Variants in DDX55 observed in about 807,000 individuals in gnomAD.
DDX55 encodes the protein DEAD-box helicase 55.
Under a neutral mutation model 69.2 loss-of-function variants are expected in DDX55, and 56 were observed. The ratio of observed to expected loss-of-function variants is 0.81; its 90% CI spans 0.65 to 1.01. The LOEUF is 1.01. Among genes scored for constraint, DDX55 ranks in the 50% least tolerant of loss-of-function variants. The pLI is 0.00. For synonymous variants in DDX55, 268 were observed against 273.1 expected (o/e 0.98, Z 0.18); for missense variants, 720 against 745.1 (o/e 0.97, Z 0.39).
At position 123,620,107 on chromosome 12, in the gene DDX55, T is replaced by C. The variant is rs1955034014; in HGVS notation, c.1770T>C (p.Asp590=). Residue 590 remains aspartate (D), a synonymous_variant, in exon 14 of 14, where the codon GAT becomes GAC. Coordinates refer to ENST00000238146, the MANE Select transcript of DDX55 (RefSeq NM_020936.3). ...GCAAAAGAACAATCAAGACAGTGGATTTAGGGATCTCAGATTTGGAAGATG... is the reference window on the plus strand; with the variant it reads ...GCAAAAGAACAATCAAGACAGTGGACTTAGGGATCTCAGATTTGGAAGATG... ...TTGKRTIKTV[D]LGISDLEDDC is the part of the protein sequence containing the mutation. The C allele has an allele frequency of 6.2e-7, 1 of 1,613,908 alleles. No homozygotes were observed. The highest frequency in any genetic ancestry group is 1.3e-5 in the African/African-American group (1 of 74,894).
Position 123,620,054 on chromosome 12 carries a change from G to A in DDX55, c.1717G>A (p.Glu573Lys), listed in dbSNP as rs1242083356. The A allele has an allele frequency of 1.2e-6, 2 of 1,614,032 alleles. No homozygotes were observed. Among genetic ancestry groups the A allele is most frequent in the Non-Finnish European group, 1.7e-6 (2 of 1,180,034 alleles). The part of the protein sequence containing the change: ...KLKKGKITEE[E>K]FEKGLLTTGK... ...TAAGAAAGGCAAAATAACTGAAGAAGAATTTGAGAAGGGCTTGTTGACAAC... is the reference window on the plus strand; with the variant it reads ...TAAGAAAGGCAAAATAACTGAAGAAAAATTTGAGAAGGGCTTGTTGACAAC... The change falls in exon 14 of 14, where the codon GAA becomes AAA. Residue 573 changes from glutamate (E) to lysine (K), a missense_variant. Transcript: ENST00000238146.
chr12:123,602,408 C>T lies in DDX55; in HGVS notation c.108+152C>T, dbSNP rs913670167. 25 of 788,000 alleles carry T rather than the reference C, an allele frequency of 3.2e-5. No homozygotes were observed. In the East Asian group the frequency reaches 7.5e-4, roughly 24 times the overall value. The allele number at this position is 788,000 out of a possible 1,614,324, so 48.8% of individuals were successfully genotyped here. On this transcript the variant is annotated intron_variant, in intron 1 of 13. Coordinates refer to ENST00000238146, the MANE Select transcript of DDX55 (RefSeq NM_020936.3). The stretch of plus-strand genomic sequence containing the variant: ...CCTTGTCTCCAGCTGCCCAGACTGG[C>T]GGAATGCGGAGCTGCCCGGCCAGCG...
In DDX55 at chr12:123,620,051, G is replaced by A. The variant is rs546725129; in HGVS notation, c.1714G>A (p.Glu572Lys). ...KKLKKGKITE[E>K]EFEKGLLTTG... ...ACTTAAGAAAGGCAAAATAACTGAA[G>A]AAGAATTTGAGAAGGGCTTGTTGAC... The change falls in exon 14 of 14, where the codon GAA becomes AAA. Residue 572 changes from glutamate to lysine, a missense_variant. Coordinates refer to ENST00000238146, the MANE Select transcript of DDX55 (RefSeq NM_020936.3). 1.2e-6 allele frequency: 2 copies of A among 1,614,160 alleles called. No homozygotes were observed. The highest frequency in any genetic ancestry group is 2.7e-5 in the African/African-American group (2 of 75,052).
intron 2 of DDX55, 25 bp from the exon 3 acceptor site, chr12:123,606,048 G>A (rs1167934369): frequency 6.6e-7 from 1 of 1,513,016 alleles, no homozygotes; most frequent in East Asian, 2.5e-5. Flanking sequence ...AGGAAGAAAG[G>A]GAAACCAAAA....
intron 6 of DDX55, among the ~76,000 whole-genome samples, chr12:123,609,113 C>T (rs147484866): frequency 1.3e-5 from 2 of 151,996 alleles, no homozygotes; most frequent in African/African-American, 4.8e-5. Context: ...ACCACCATGC[C>T]TGGATGGTTT....
At position 123,617,988 on chromosome 12, in the gene DDX55, G is replaced by A. The variant is rs778013744; in HGVS notation, c.1164+116G>A. The A allele has an allele frequency of 1.4e-5, 13 of 962,596 alleles. 1 individual carries two copies. The South Asian group carries it at 1.8e-4, about 14-fold the overall frequency. The allele number at this position is 962,596 out of a possible 1,614,324, so 59.6% of individuals were successfully genotyped here. On this transcript the variant is annotated intron_variant, in intron 11 of 13. Coordinates refer to ENST00000238146, the MANE Select transcript of DDX55 (RefSeq NM_020936.3). ...TTGCAAACTCACTGGGGCTGGGCTG[G>A]TGGTGGCAGTGGGGGGCCCTGGTGG...
chr12:123,604,509 G>A (rs973118648), intron 1 of DDX55, among the ~76,000 whole-genome samples: 12 of 152,274 alleles, frequency 7.9e-5, no homozygotes, highest in African/African-American at 2.6e-4. Context: ...CCTGCCTAGG[G>A]AATGTAGTGC....
intron 9 of DDX55, among the ~76,000 whole-genome samples, 163 bp downstream of exon 9, chr12:123,615,479 C>T (rs150660092): frequency 1.9e-4 from 29 of 152,248 alleles, no homozygotes; most frequent in Non-Finnish European, 3.4e-4. Context: ...GTAAACACCC[C>T]GAGCCTCCAT....
intron 1 of DDX55, among the ~76,000 whole-genome samples, chr12:123,603,098 G>A (rs1173142486): frequency 6.6e-6 from 1 of 152,222 alleles, no homozygotes; most frequent in African/African-American, 2.4e-5. Flanking sequence ...GATTGTGCAG[G>A]GTCTTGTAGG....
At chr12:123,603,623 C>T (rs537364674) in intron 1 of DDX55, among the ~76,000 whole-genome samples, 3 of 152,092 alleles carry the variant, frequency 2.0e-5, no homozygotes, top group African/African-American at 4.8e-5. Flanking sequence ...AACTCCTGAC[C>T]TCCTGATCCA....
chr12:123,619,254 C>G (rs1031751140), intron 12 of DDX55, among the ~76,000 whole-genome samples, 178 bp from the exon 13 acceptor site: 1 of 152,246 alleles, frequency 6.6e-6, no homozygotes, highest in Non-Finnish European at 1.5e-5. Flanking sequence ...CCGCCCACCT[C>G]GGCCTCGCAA....
At position 123,618,914 on chromosome 12, in the gene DDX55, C is replaced by T. The variant is rs911963731; in HGVS notation, c.1333+77C>T. ...TCTTACAAGTATGAGATTGCTTTGT[C>T]TCATAAAAGGAAGTGTTCCCAGGTT... is the stretch of plus-strand genomic sequence containing the variant. On this transcript the variant is annotated intron_variant, in intron 12 of 13. Transcript: ENST00000238146. The T allele has an allele frequency of 2.1e-5, 32 of 1,557,234 alleles. No homozygotes were observed. The African/African-American group carries it at 3.8e-4, about 19-fold the overall frequency.
chr12:123,605,342 CA>C, intron 1 of DDX55: 1 of 164,680 alleles, frequency 6.1e-6, no homozygotes, highest in Non-Finnish European at 1.3e-5. Context: ...TTTTGACAAC[CA>C]AAAATGTCTC....
Position 123,610,127 on chromosome 12 carries a change from T to C in DDX55, c.740T>C (p.Met247Thr), listed in dbSNP as rs138867340. ...KTPSRLENYY[M>T]VCKADEKFNQ... ...CCCTCCCGCCTGGAAAACTACTACA[T>C]GGTAAGCGCCTGGGCTTGCTTCTTA... The change falls in exon 7 of 14, where the codon ATG becomes ACG. Residue 247 changes from methionine to threonine, a missense_variant and splice_region_variant. Met to Thr is a moderately conservative substitution (Grantham distance 81). Transcript: ENST00000238146. 4.8e-4 allele frequency: 774 copies of C among 1,612,968 alleles called. 3 individuals are homozygous for C. Among genetic ancestry groups the C allele is most frequent in the Non-Finnish European group, 1.1e-4 (130 of 1,179,652 alleles).
Position 123,619,645 on chromosome 12 carries a change from T to G in DDX55, c.1547T>G (p.Ile516Arg), listed in dbSNP as rs747124116. ...GAAAATGAAGGGAGAAGAAAATTCA[T>G]AAAAAATAAAGCTTGGTCAAAGCAG... ...KTENEGRRKF[I>R]KNKAWSKQKA... is the part of the protein sequence containing the mutation. Residue 516 changes from isoleucine (I) to arginine (R), a missense_variant, in exon 13 of 14, where the codon ATA becomes AGA. By Grantham distance (97) the Ile-to-Arg change is moderately conservative. Transcript: ENST00000238146. The G allele has an allele frequency of 3.1e-6, 5 of 1,604,320 alleles. No individual in the cohort carries two copies. The highest frequency in any genetic ancestry group is 4.3e-6 in the Non-Finnish European group (5 of 1,175,990).
intron 6 of DDX55, among the ~76,000 whole-genome samples, chr12:123,609,470 G>A (rs1954082138): frequency 6.6e-6 from 1 of 150,934 alleles, no homozygotes. Flanking sequence ...TACTTCCTGG[G>A]CTTAAGTGAT....
At chr12:123,618,555 C>A in intron 11 of DDX55, 114 bp from the exon 12 acceptor site, 1 of 1,540,812 alleles carries the variant, frequency 6.5e-7, no homozygotes, top group Admixed American at 2.0e-5. Flanking sequence ...GGCTTCAGAC[C>A]TCAACAGTTG....
rs768797196 is a variant in DDX55, at chr12:123,608,677, A to G, written c.402-3A>G. 6.2e-7 allele frequency: 1 copy of G among 1,611,708 alleles called. No homozygotes were observed. The highest frequency in any genetic ancestry group is 8.5e-7 in the Non-Finnish European group (1 of 1,179,014). The stretch of plus-strand genomic sequence containing the variant: ...TTGGTAAATGTTAACTTTCTTTCCA[A>G]AGTGGGAACATCATTGTGGCCACTC... On this transcript the variant is annotated splice_region_variant and splice_polypyrimidine_tract_variant and intron_variant, in intron 5 of 13. Transcript: ENST00000238146.
chr12:123,620,580 T>TATATATA lies in DDX55; in HGVS notation c.*440_*441insATATATA, dbSNP rs1555284588. 1 of 65,350 alleles carries TATATATA rather than the reference T, an allele frequency of 1.5e-5. No homozygotes were observed. The highest frequency in any genetic ancestry group is 1.4e-3 in the East Asian group (1 of 732). The allele number at this position is 65,350 out of a possible 1,614,324, so 4.0% of individuals were successfully genotyped here. On this transcript the variant is annotated 3_prime_UTR_variant, in exon 14 of 14. Coordinates refer to ENST00000238146, the MANE Select transcript of DDX55 (RefSeq NM_020936.3). ...GGTCACATATAGACATATGTACATATTATATATATATATATATATATATAT... is the reference window on the plus strand; with the variant it reads ...GGTCACATATAGACATATGTACATATATATATATATATATATATATATATATATATAT...
Sources: gnomAD v4.1 joint callset for allele counts (sites outside exome capture counted in the v4.1 genomes callset) on GRCh38, gnomAD v4.1.1 for gene constraint, MANE v1.5 for transcripts, NCBI Gene and HGNC (gene_info 2026-07-23, HGNC 2026-07-21) for gene names.